KAZN: variants seen among roughly 807,000 people sequenced by gnomAD.
The protein encoded by KAZN is kazrin, periplakin interacting protein, also known as kazrin.
KAZN carries 40 observed loss-of-function variants against 87.4 expected under a neutral mutation model. The ratio of observed to expected loss-of-function variants is 0.46; its 90% CI spans 0.36 to 0.60. KAZN has a LOEUF of 0.60. KAZN is among the 20% of genes least tolerant of loss of function. The pLI is 0.00. For synonymous variants in KAZN, 466 were observed against 458.3 expected, an observed-to-expected ratio of 1.02 and a Z score of -0.22; for missense variants, 898 against 1,073.9, an observed-to-expected ratio of 0.84 and a Z score of 2.29.
At chr1:14,777,892 G>A (rs150690250) in intron 1 of KAZN, among the ~76,000 whole-genome samples, 86 of 152,008 alleles carry the variant, frequency 5.7e-4, no homozygotes, top group African/African-American at 1.8e-3. Flanking sequence ...AACTGTCACG[G>A]TGCTGGTGGG....
intron 1 of KAZN, among the ~76,000 whole-genome samples, chr1:14,786,737 C>T (rs1020985230): frequency 6.6e-6 from 1 of 152,058 alleles, no homozygotes; most frequent in African/African-American, 2.4e-5. Flanking sequence ...ATTTGCACAC[C>T]CTGTAATTCT....
intron 1 of KAZN, among the ~76,000 whole-genome samples, chr1:14,625,291 G>C (rs1679053093): frequency 6.6e-6 from 1 of 152,154 alleles, no homozygotes; most frequent in South Asian, 2.1e-4. Flanking sequence ...TGTAATGAAA[G>C]GTAGGAGCCT....
At chr1:14,232,323 T>C (rs1414742390) in intron 2 of KAZN, among the ~76,000 whole-genome samples, 1 of 152,170 alleles carries the variant, frequency 6.6e-6, no homozygotes, top group Non-Finnish European at 1.5e-5. Flanking sequence ...AACACTTCTG[T>C]TAAAATTTTT....
intron 2 of KAZN, among the ~76,000 whole-genome samples, chr1:14,200,903 G>A: frequency 6.6e-6 from 1 of 151,586 alleles, no homozygotes; most frequent in East Asian, 1.9e-4. Flanking sequence ...CCAGCTGGCT[G>A]GCTCCATGGA....
chr1:14,911,910 G>A (rs1018921565), intron 1 of KAZN, among the ~76,000 whole-genome samples: 3 of 152,154 alleles, frequency 2.0e-5, no homozygotes, highest in African/African-American at 7.2e-5. Context: ...CCAGCACTTT[G>A]GGAGGCCGAG....
intron 1 of KAZN, among the ~76,000 whole-genome samples, chr1:14,870,041 C>T (rs1244488983): frequency 6.6e-6 from 1 of 152,072 alleles, no homozygotes; most frequent in African/African-American, 2.4e-5. Context: ...GATTTTTCCC[C>T]AATGAGATGA....
chr1:15,005,706 T>C (rs1668935675), intron 2 of KAZN, among the ~76,000 whole-genome samples: 1 of 151,828 alleles, frequency 6.6e-6, no homozygotes, highest in African/African-American at 2.4e-5. Context: ...GAAGATCGCT[T>C]GAACCTGGGA....
chr1:14,487,381 G>A (rs1181273251), intron 2 of KAZN, among the ~76,000 whole-genome samples: 1 of 152,138 alleles, frequency 6.6e-6, no homozygotes, highest in African/African-American at 2.4e-5. Flanking sequence ...TATAGCCAGT[G>A]AAACAGTTCA....
chr1:14,577,765 G>A (rs1178326940), intron 2 of KAZN, among the ~76,000 whole-genome samples: 3 of 152,258 alleles, frequency 2.0e-5, no homozygotes, highest in African/African-American at 7.2e-5. Flanking sequence ...CCTGACCATT[G>A]ACAAAGCTTT....
chr1:14,347,783 T>C (rs1050918023), intron 2 of KAZN, among the ~76,000 whole-genome samples: 6 of 152,198 alleles, frequency 3.9e-5, no homozygotes, highest in Non-Finnish European at 8.8e-5. Flanking sequence ...GTTCTCTGGA[T>C]AGTCGAACTA....
intron 1 of KAZN, among the ~76,000 whole-genome samples, chr1:14,088,407 T>C (rs1419038414): frequency 6.6e-6 from 1 of 152,116 alleles, no homozygotes; most frequent in East Asian, 1.9e-4. Flanking sequence ...TATTTAGAAA[T>C]GTGTTATTTA....
chr1:14,251,900 C>T (rs548671587), intron 2 of KAZN, among the ~76,000 whole-genome samples: 6 of 152,016 alleles, frequency 3.9e-5, no homozygotes, highest in African/African-American at 9.7e-5. Context: ...CCACCTGCCT[C>T]GATCTCCCAA....
At chr1:14,398,696 T>C (rs1297829790) in intron 2 of KAZN, among the ~76,000 whole-genome samples, 1 of 152,198 alleles carries the variant, frequency 6.6e-6, no homozygotes, top group Non-Finnish European at 1.5e-5. Flanking sequence ...CTCTTTTCTA[T>C]CTTCTCTGAG....
intron 2 of KAZN, among the ~76,000 whole-genome samples, chr1:14,980,212 C>T (rs774975095): frequency 1.5e-4 from 23 of 152,140 alleles, no homozygotes; most frequent in Non-Finnish European, 2.2e-4. Flanking sequence ...TATTAAAGAC[C>T]AGCTGTTTAC....
rs1410398583 is a variant in KAZN at position 14,184,215 on chromosome 1, T to A, written c.249+3623T>A. On this transcript the variant is annotated intron_variant, in intron 2 of 16. Transcript: ENST00000636203. This position sits in a 1 kb window ranked among gnomAD's most constrained non-coding sequence, Gnocchi z 4.2. ...CTCCTCTTCCCTTTTCTTTTTGCTT[T>A]TCTTTGTCTTCTCCCTCTGCCCTTT... is the stretch of plus-strand genomic sequence containing the variant. 6.6e-6 allele frequency among the ~76,000 whole-genome samples: 1 copy of A among 152,084 alleles called. No individual in the cohort carries two copies. Among genetic ancestry groups the A allele is most frequent in the Non-Finnish European group, 1.5e-5 (1 of 68,008 alleles).
chr1:14,135,417 G>T (rs1395856199), intron 1 of KAZN, among the ~76,000 whole-genome samples: 1 of 152,218 alleles, frequency 6.6e-6, no homozygotes, highest in Non-Finnish European at 1.5e-5. Context: ...TCCTGGACTT[G>T]CAGTCTGAGT....
intron 13 of KAZN, among the ~76,000 whole-genome samples, chr1:15,104,691 A>C (rs1290650898): frequency 6.6e-6 from 1 of 152,186 alleles, no homozygotes; most frequent in African/African-American, 2.4e-5. Flanking sequence ...TGACCAGAGA[A>C]TGAACACCTG....
In KAZN at chr1:14,478,266, GAAGGAAGA is replaced by G. The variant is rs749153348; in HGVS notation, c.250-120709_250-120702del. 3.1e-3 allele frequency among the ~76,000 whole-genome samples: 438 copies of G among 140,012 alleles called. 1 individual carries two copies. The highest frequency in any genetic ancestry group is 6.7e-3 in the African/African-American group (261 of 38,790). 91.9% of individuals were successfully genotyped at this position (140,012 alleles called of 152,430 possible). ...GAAGGAAAAGAAGGAAGGAAGGAAGGAAGGAAGAAAGGAAGGAAGGAAGGGTGGATGGG... is the reference window on the plus strand; with the variant it reads ...GAAGGAAAAGAAGGAAGGAAGGAAGGAAGGAAGGAAGGAAGGGTGGATGGG... On this transcript the variant is annotated intron_variant, in intron 2 of 16. Transcript: ENST00000636203.
intron 1 of KAZN, among the ~76,000 whole-genome samples, chr1:14,871,168 T>G (rs1167646135): frequency 6.6e-6 from 1 of 152,218 alleles, no homozygotes; most frequent in African/African-American, 2.4e-5. Flanking sequence ...CTATGTGCCC[T>G]CTTTAGTCCT....
Sources: gnomAD v4.1 joint callset for allele counts (sites outside exome capture counted in the v4.1 genomes callset) on GRCh38, gnomAD v4.1.1 for gene constraint, Gnocchi (gnomAD v3.1) non-coding constraint, MANE v1.5 for transcripts, NCBI Gene and HGNC (gene_info 2026-07-23, HGNC 2026-07-21) for gene names.